Variants in RASEF observed in about 807,000 individuals in gnomAD.
RASEF encodes RAS and EF-hand domain containing.
A neutral mutation model predicts 90.1 loss-of-function variants in RASEF; 68 were observed. The ratio of observed to expected loss-of-function variants is 0.75; its 90% CI spans 0.62 to 0.92. The LOEUF is 0.92. RASEF is among the 40% of genes least tolerant of loss of function. RASEF has a pLI of 0.00. For synonymous variants in RASEF, 331 were observed against 345.2 expected, an observed-to-expected ratio of 0.96 and a Z score of 0.46; for missense variants, 949 against 937.2, an observed-to-expected ratio of 1.01 and a Z score of -0.16.
the RASEF span, among the ~76,000 whole-genome samples, chr9:83,127,510 T>A: frequency 6.6e-6 from 1 of 151,972 alleles, no homozygotes; most frequent in Non-Finnish European, 1.5e-5. Context: ...AGAGAGAGAA[T>A]GAGATTGAGA....
the RASEF span, among the ~76,000 whole-genome samples, chr9:83,147,024 G>GTGTATATATATA: frequency 2.4e-4 from 26 of 110,196 alleles, no homozygotes; most frequent in Middle Eastern, 4.5e-3. Context: ...GTGTGTGTGT[G>GTGTATATATATA]TGTGTATATA....
At chr9:83,157,896 T>C in the RASEF span, among the ~76,000 whole-genome samples, 3 of 152,180 alleles carry the variant, frequency 2.0e-5, no homozygotes, top group South Asian at 6.2e-4. Flanking sequence ...AACCAGAAGA[T>C]GCAAATCTGC....
the RASEF span, among the ~76,000 whole-genome samples, chr9:83,143,390 T>G: frequency 6.6e-6 from 1 of 151,266 alleles, no homozygotes; most frequent in African/African-American, 2.4e-5. Context: ...GAAAAACAAA[T>G]AACCCCATTA....
chr9:83,062,654 G>C lies in RASEF; in HGVS notation c.214C>G (p.Leu72Val). ...CGCCGCCCCCCGCGGAGGGACCCGAGGAAGCCACGCGCGAACTCCTGGAAG... is the reference window on the plus strand; with the variant it reads ...CGCCGCCCCCCGCGGAGGGACCCGACGAAGCCACGCGCGAACTCCTGGAAG... ...ITFQEFARGF[L>V]GSLRGGRRRD... The change falls in exon 1 of 17, where the codon CTC becomes GTC. Residue 72 changes from leucine (L) to valine (V), a missense_variant. This residue lies in a region of RASEF where 656 missense variants were observed against 592.2 expected (regional missense o/e 1.11). Coordinates refer to ENST00000376447, the MANE Select transcript of RASEF (RefSeq NM_152573.4). 1 of 1,565,610 alleles carries C rather than the reference G, an allele frequency of 6.4e-7. No homozygotes were observed. Among genetic ancestry groups the C allele is most frequent in the Non-Finnish European group, 8.6e-7 (1 of 1,163,192 alleles).
chr9:83,049,124 CAA>C (rs1232006240), intron 1 of RASEF: 816 of 84,696 alleles, frequency 9.6e-3, no homozygotes, highest in Middle Eastern at 0.016. Flanking sequence ...ACTCCGTCTC[CAA>C]AAAAAAAAAA....
the RASEF span, among the ~76,000 whole-genome samples, chr9:83,075,842 A>G: frequency 9.2e-5 from 14 of 152,156 alleles, no homozygotes; most frequent in Non-Finnish European, 1.9e-4. Context: ...GTACAAAATA[A>G]GACAAACTAG....
chr9:83,005,333 T>G (rs1829109583), intron 8 of RASEF, 83 bp downstream of exon 8: 3 of 990,282 alleles, frequency 3.0e-6, no homozygotes, highest in Non-Finnish European at 4.8e-6. Context: ...GGCTCTCCTT[T>G]AAGAAATTAC....
intron 1 of RASEF, among the ~76,000 whole-genome samples, chr9:83,031,922 T>C (rs1051903317): frequency 9.9e-5 from 15 of 152,130 alleles, no homozygotes; most frequent in South Asian, 2.1e-4. Context: ...ATGATGCACC[T>C]TCTGGGGTAT....
the RASEF span, among the ~76,000 whole-genome samples, chr9:83,069,341 A>C: frequency 6.6e-6 from 1 of 152,176 alleles, no homozygotes; most frequent in Non-Finnish European, 1.5e-5. Context: ...ACCCAACTGC[A>C]GACCCCAGGT....
intron 8 of RASEF, among the ~76,000 whole-genome samples, chr9:83,005,100 A>G (rs1227982954): frequency 6.6e-6 from 1 of 152,168 alleles, no homozygotes; most frequent in Non-Finnish European, 1.5e-5. Context: ...TCCCATTCTG[A>G]GCATCTCACT....
At chr9:83,085,260 T>C in the RASEF span, among the ~76,000 whole-genome samples, 1 of 152,222 alleles carries the variant, frequency 6.6e-6, no homozygotes, top group South Asian at 2.1e-4. Flanking sequence ...TCTGTATAAA[T>C]TCAGTTATTC....
At chr9:83,075,762 A>G in the RASEF span, among the ~76,000 whole-genome samples, 2 of 152,220 alleles carry the variant, frequency 1.3e-5, no homozygotes, top group Non-Finnish European at 2.9e-5. Context: ...CCAATGCTAT[A>G]ACATGAAGAG....
chr9:83,196,599 C>T, the RASEF span, among the ~76,000 whole-genome samples: 1 of 152,158 alleles, frequency 6.6e-6, no homozygotes, highest in Non-Finnish European at 1.5e-5. Context: ...GCCATCTAAA[C>T]ATAATATTAA....
chr9:83,082,156 G>A, the RASEF span, among the ~76,000 whole-genome samples: 7 of 152,218 alleles, frequency 4.6e-5, no homozygotes, highest in African/African-American at 1.7e-4. Flanking sequence ...AGGCCAGGAC[G>A]GAAAAAACGA....
At chr9:83,082,767 C>G in the RASEF span, among the ~76,000 whole-genome samples, 1 of 152,096 alleles carries the variant, frequency 6.6e-6, no homozygotes, top group Non-Finnish European at 1.5e-5. Context: ...GACAGTTTTT[C>G]TCATATAAAA....
At chr9:83,132,617 T>G in the RASEF span, among the ~76,000 whole-genome samples, 1 of 152,166 alleles carries the variant, frequency 6.6e-6, no homozygotes, top group South Asian at 2.1e-4. Context: ...TCTATAGATT[T>G]TTGCTTTCCC....
At chr9:82,988,445 A>C (rs913180400) in intron 16 of RASEF, among the ~76,000 whole-genome samples, 2 of 152,240 alleles carry the variant, frequency 1.3e-5, no homozygotes, top group Non-Finnish European at 2.9e-5. Context: ...ATATGTGTTC[A>C]AATATTCACT....
chr9:83,109,761 G>C, the RASEF span, among the ~76,000 whole-genome samples: 1 of 152,118 alleles, frequency 6.6e-6, no homozygotes, highest in Non-Finnish European at 1.5e-5. Flanking sequence ...TTTTACCACT[G>C]TGCAAGCTTT....
At chr9:83,115,259 G>C in the RASEF span, among the ~76,000 whole-genome samples, 1 of 152,116 alleles carries the variant, frequency 6.6e-6, no homozygotes, top group Non-Finnish European at 1.5e-5. Context: ...CTGATATCTA[G>C]ATAGTAAAGA....
Sources: allele counts gnomAD v4.1 joint callset (sites outside exome capture counted in the v4.1 genomes callset), GRCh38; gene constraint gnomAD v4.1.1; regional missense constraint gnomAD v4.1.1; transcripts MANE v1.5; gene names NCBI Gene and HGNC (gene_info 2026-07-23, HGNC 2026-07-21).